Variants in HBEGF observed in about 807,000 individuals in gnomAD.
HBEGF encodes heparin binding EGF like growth factor.
HBEGF carries 8 observed loss-of-function variants against 19.5 expected under a neutral mutation model. That is an observed-to-expected ratio of 0.41 (90% CI 0.24 to 0.74). The LOEUF is 0.74. Ranked by LOEUF, HBEGF falls within the 30% of genes least tolerant of loss-of-function variation. The probability of loss-of-function intolerance (pLI) is 0.32; values close to 1 mark genes in which losing one functional copy is unlikely to be tolerated. For synonymous variants in HBEGF, 97 were observed against 108.9 expected, an observed-to-expected ratio of 0.89 and a Z score of 0.68; for missense variants, 207 against 256.9, an observed-to-expected ratio of 0.81 and a Z score of 1.33.
At position 140,343,030 on chromosome 5, in the gene HBEGF, T is replaced by C. The variant is rs1035111174; in HGVS notation, c.221-218A>G. 8.9e-6 allele frequency: 5 copies of C among 560,130 alleles called. No homozygotes were observed. In the Admixed American group the frequency reaches 9.1e-5, roughly 10 times the overall value. 34.7% of individuals were successfully genotyped at this position (560,130 alleles called of 1,614,324 possible). On this transcript the variant is annotated intron_variant, in intron 2 of 5. Transcript: ENST00000230990. ...CCTCGGTAGGAAGTAGAAGCTAGGG[T>C]GGGTCCCAAGGAAGGCATTTCACAG...
At chr5:140,342,551 T>A (rs1474141873) in intron 3 of HBEGF, 84 bp downstream of exon 3, 1 of 1,294,892 alleles carries the variant, frequency 7.7e-7, no homozygotes, top group Non-Finnish European at 1.1e-6. Flanking sequence ...AAATTATGAA[T>A]TCAAGGAACA....
intron 3 of HBEGF, 28 bp downstream of exon 3, chr5:140,342,607 G>A: frequency 6.2e-7 from 1 of 1,606,134 alleles, no homozygotes; most frequent in African/African-American, 1.3e-5. Context: ...GTGCTGATGA[G>A]ATTCAGCCCT....
intron 3 of HBEGF, among the ~76,000 whole-genome samples, chr5:140,337,843 A>G (rs1408294337): frequency 6.6e-6 from 1 of 152,238 alleles, no homozygotes; most frequent in East Asian, 1.9e-4. Context: ...CATAGAGGAC[A>G]CTTGCACAAG....
chr5:140,336,502 T>A (rs1360965886), intron 3 of HBEGF, among the ~76,000 whole-genome samples: 1 of 152,228 alleles, frequency 6.6e-6, no homozygotes, highest in Non-Finnish European at 1.5e-5. Flanking sequence ...TTCCCCATCG[T>A]GCTTCCAGCG....
chr5:140,335,383 C>CAAAA (rs752308223), intron 4 of HBEGF, among the ~76,000 whole-genome samples: 1 of 90,990 alleles, frequency 1.1e-5, no homozygotes, highest in Non-Finnish European at 2.3e-5. Flanking sequence ...GACTCTGTCT[C>CAAAA]AAAAAAAAAA....
At position 140,343,011 on chromosome 5, in the gene HBEGF, T is replaced by C; in HGVS notation, c.221-199A>G. 3.4e-6 allele frequency: 2 copies of C among 593,812 alleles called. 1 individual carries two copies. Among genetic ancestry groups the C allele is most frequent in the South Asian group, 4.4e-5 (2 of 45,886 alleles). The allele number at this position is 593,812 out of a possible 1,614,324, so 36.8% of individuals were successfully genotyped here. A position where few individuals can be genotyped will look rare whatever the true frequency, so the allele number is the denominator to read the frequency against. ...AACCACCAGAAAGAGGGAACCTCGG[T>C]AGGAAGTAGAAGCTAGGGTGGGTCC... is the stretch of plus-strand genomic sequence containing the variant. On this transcript the variant is annotated intron_variant, in intron 2 of 5. Transcript: ENST00000230990.
At position 140,346,474 on chromosome 5, in the gene HBEGF, G is replaced by C; in HGVS notation, c.-146C>G. 1.1e-6 allele frequency: 1 copy of C among 869,594 alleles called. No homozygotes were observed. The highest frequency in any genetic ancestry group is 2.6e-5 in the East Asian group (1 of 37,838). The allele number at this position is 869,594 out of a possible 1,614,324, so 53.9% of individuals were successfully genotyped here. ...CGCCTCTGCGTGCAAGCCTGGCCGG[G>C]ACCCAGGCGCAGCTCGCTCTTCTTG... On this transcript the variant is annotated 5_prime_UTR_variant, in exon 1 of 6. Coordinates refer to ENST00000230990, the MANE Select transcript of HBEGF (RefSeq NM_001945.3). This position sits in a 1 kb window ranked among gnomAD's most constrained non-coding sequence, Gnocchi z 6.1.
At chr5:140,342,942 A>G (rs1385205411) in intron 2 of HBEGF, 130 bp from the exon 3 acceptor site, 1 of 879,412 alleles carries the variant, frequency 1.1e-6, no homozygotes, top group Non-Finnish European at 1.8e-6. Context: ...CCCTTAGCTC[A>G]GTGCCTCCTA....
intron 3 of HBEGF, 111 bp downstream of exon 3, chr5:140,342,524 T>C (rs1713059431): frequency 9.2e-7 from 1 of 1,087,738 alleles, no homozygotes; most frequent in Non-Finnish European, 1.4e-6. Flanking sequence ...GCCCAGAGGT[T>C]GAGAAGAAAC....
At chr5:140,343,482 C>G (rs1427586902) in intron 2 of HBEGF, among the ~76,000 whole-genome samples, 1 of 152,216 alleles carries the variant, frequency 6.6e-6, no homozygotes, top group Admixed American at 6.5e-5. Flanking sequence ...ACAGCTCACC[C>G]ACTTTCTCAA....
chr5:140,336,987 C>T (rs192980416), intron 3 of HBEGF, among the ~76,000 whole-genome samples: 1 of 151,958 alleles, frequency 6.6e-6, no homozygotes, highest in African/African-American at 2.4e-5. Context: ...CGCCACCACG[C>T]CCAGCTAATT....
chr5:140,338,769 A>G (rs945945812), intron 3 of HBEGF, among the ~76,000 whole-genome samples: 2 of 152,136 alleles, frequency 1.3e-5, no homozygotes, highest in Non-Finnish European at 2.9e-5. Context: ...CCAGACTAGG[A>G]CACATTCTTC....
At position 140,337,281 on chromosome 5, in the gene HBEGF, A is replaced by T. The variant is rs562540590; in HGVS notation, c.399-1254T>A. ...TAAGTAGGAGCCCTGTTTTACAGAAAGGTGGAGTGGTTTTCCCAAGGTCAC... is the reference window on the plus strand; with the variant it reads ...TAAGTAGGAGCCCTGTTTTACAGAATGGTGGAGTGGTTTTCCCAAGGTCAC... On this transcript the variant is annotated intron_variant, in intron 3 of 5. Coordinates refer to ENST00000230990, the MANE Select transcript of HBEGF (RefSeq NM_001945.3). 2.6e-5 allele frequency among the ~76,000 whole-genome samples: 4 copies of T among 152,300 alleles called. No homozygotes were observed. In the South Asian group the frequency reaches 8.3e-4, roughly 32 times the overall value.
intron 2 of HBEGF, chr5:140,343,121 A>G: frequency 3.2e-6 from 1 of 315,720 alleles, no homozygotes; most frequent in Middle Eastern, 9.4e-4. Flanking sequence ...TACCAACCTC[A>G]CCTCCACCCC....
In HBEGF at chr5:140,346,360, C is replaced by A; in HGVS notation, c.-32G>T. The A allele has an allele frequency of 6.3e-7, 1 of 1,599,550 alleles. No individual in the cohort carries two copies. Among genetic ancestry groups the A allele is most frequent in the African/African-American group, 1.3e-5 (1 of 74,572 alleles). On this transcript the variant is annotated 5_prime_UTR_variant, in exon 1 of 6. Coordinates refer to ENST00000230990, the MANE Select transcript of HBEGF (RefSeq NM_001945.3). This position sits in a 1 kb window ranked among gnomAD's most constrained non-coding sequence, Gnocchi z 6.1. ...GCACCGAGAGGAGGCGGCGAGGCAC[C>A]AGTCACTTTCGAAGCGGCGGCCACT...
At chr5:140,342,144 C>T (rs1214539024) in intron 3 of HBEGF, among the ~76,000 whole-genome samples, 1 of 152,196 alleles carries the variant, frequency 6.6e-6, no homozygotes, top group African/African-American at 2.4e-5. Flanking sequence ...CCTCTCTGTA[C>T]AGTCCTGCCA....
At chr5:140,343,009 G>C in intron 2 of HBEGF, 197 bp from the exon 3 acceptor site, 2 of 595,706 alleles carry the variant, frequency 3.4e-6, no homozygotes, top group Non-Finnish European at 6.0e-6. Context: ...AGGGAACCTC[G>C]GTAGGAAGTA....
intron 4 of HBEGF, 82 bp from the exon 5 acceptor site, chr5:140,334,830 G>A (rs1766203457): frequency 1.8e-6 from 2 of 1,124,352 alleles, no homozygotes; most frequent in African/African-American, 1.5e-5. Context: ...AAAGAACTCT[G>A]CCATGGTGGT....
At chr5:140,345,508 C>A (rs1343821371) in intron 2 of HBEGF, among the ~76,000 whole-genome samples, 2 of 152,164 alleles carry the variant, frequency 1.3e-5, no homozygotes, top group Non-Finnish European at 2.9e-5. Context: ...TGGGCATCTC[C>A]GCATGTGTTA....
Sources: allele counts gnomAD v4.1 joint callset (sites outside exome capture counted in the v4.1 genomes callset), GRCh38; gene constraint gnomAD v4.1.1; non-coding constraint Gnocchi (gnomAD v3.1); transcripts MANE v1.5; gene names NCBI Gene and HGNC (gene_info 2026-07-23, HGNC 2026-07-21).